EIF4G3: variants seen among roughly 807,000 people sequenced by gnomAD.
EIF4G3 encodes the protein eIF-4-gamma 3.
A neutral mutation model predicts 186.4 loss-of-function variants in EIF4G3; 34 were observed. The ratio of observed to expected loss-of-function variants is 0.18; its 90% CI spans 0.14 to 0.24. The LOEUF is 0.24. Ranked by LOEUF, EIF4G3 falls within the 10% of genes least tolerant of loss-of-function variation. The probability of loss-of-function intolerance (pLI) is 1.00; values close to 1 mark genes in which losing one functional copy is unlikely to be tolerated. For synonymous variants in EIF4G3, 673 were observed against 679.5 expected (o/e 0.99, Z 0.15); for missense variants, 1,536 against 1,948.5 (o/e 0.79, Z 3.99).
chr1:20,913,167 C>T (rs2093446011), intron 14 of EIF4G3, among the ~76,000 whole-genome samples: 1 of 152,132 alleles, frequency 6.6e-6, no homozygotes, highest in South Asian at 2.1e-4. Context: ...TCTGCTCTAT[C>T]ACTACTTCAC....
At chr1:21,052,726 G>A (rs932103794) in intron 3 of EIF4G3, among the ~76,000 whole-genome samples, 11 of 152,246 alleles carry the variant, frequency 7.2e-5, no homozygotes, top group South Asian at 4.1e-4. Context: ...GATTGCAGGC[G>A]CGCGCCGCCA....
At chr1:20,825,826 G>A (rs2063470490) in intron 32 of EIF4G3, among the ~76,000 whole-genome samples, 2 of 152,210 alleles carry the variant, frequency 1.3e-5, no homozygotes, top group Admixed American at 6.5e-5. Context: ...GGAATGAGAA[G>A]TGTTTCAAGG....
At chr1:21,111,502 G>A (rs1021902476) in intron 2 of EIF4G3, 1 of 375,086 alleles carries the variant, frequency 2.7e-6, no homozygotes, top group African/African-American at 2.1e-5. Context: ...GGACTATCCA[G>A]GTGACACAGC....
rs1191897117 is a variant in EIF4G3 at position 20,814,918 on chromosome 1, G to A, written c.4516-1679C>T. Among the ~76,000 whole-genome samples the A allele has an allele frequency of 3.0e-3, 338 of 111,546 alleles. 1 individual carries two copies. Among genetic ancestry groups the A allele is most frequent in the Non-Finnish European group, 4.6e-3 (248 of 53,628 alleles). 73.2% of individuals were successfully genotyped at this position (111,546 alleles called of 152,430 possible). On this transcript the variant is annotated intron_variant, in intron 34 of 36. Coordinates refer to ENST00000602326, the MANE Select transcript of EIF4G3 (RefSeq NM_001391906.1). ...CTGCCTCAGCCTGCCGAGTGCCTGC[G>A]ATTGCAGGCGCGCGCTGCCACGCCT...
At chr1:20,995,079 G>A (rs139083727) in intron 7 of EIF4G3, among the ~76,000 whole-genome samples, 19 of 152,228 alleles carry the variant, frequency 1.2e-4, no homozygotes, top group Non-Finnish European at 2.5e-4. Context: ...TTCTCACAGA[G>A]ATTTCTGAAC....
At chr1:20,868,316 G>A (rs79663931) in intron 20 of EIF4G3, among the ~76,000 whole-genome samples, 1,999 of 152,034 alleles carry the variant, frequency 0.013, 20 homozygotes, top group East Asian at 0.022. Context: ...TGAAAGCTGC[G>A]AAGTCCAAAA....
chr1:20,979,631 T>C (rs987137942), intron 10 of EIF4G3, among the ~76,000 whole-genome samples: 2 of 152,196 alleles, frequency 1.3e-5, no homozygotes, highest in East Asian at 1.9e-4. Context: ...TGGTGGAAGA[T>C]GTCAGAACTC....
chr1:20,882,176 TACACACAC>T (rs138208807), intron 19 of EIF4G3, among the ~76,000 whole-genome samples: 1,792 of 87,010 alleles, frequency 0.021, 18 homozygotes, highest in African/African-American at 0.033. Flanking sequence ...AAAGAAAAAT[TACACACAC>T]ACACACACAC....
intron 3 of EIF4G3, among the ~76,000 whole-genome samples, chr1:21,080,318 C>CAA (rs551685633): frequency 3.7e-4 from 50 of 136,084 alleles, no homozygotes; most frequent in Admixed American, 9.6e-4. Flanking sequence ...ACTGTCTCAA[C>CAA]AAAAAAAAAA....
chr1:21,069,358 C>T (rs955065304), intron 3 of EIF4G3, among the ~76,000 whole-genome samples: 1 of 152,150 alleles, frequency 6.6e-6, no homozygotes, highest in African/African-American at 2.4e-5. Context: ...TTCTCATTTA[C>T]ATAATCATTA....
intron 4 of EIF4G3, among the ~76,000 whole-genome samples, chr1:21,024,187 C>T (rs2091583672): frequency 6.6e-6 from 1 of 151,432 alleles, no homozygotes; most frequent in Admixed American, 6.6e-5. Flanking sequence ...CAGCCCCCCG[C>T]CCGGCCAGCC....
chr1:20,965,690 A>ATACCCCTTTCCCTTTCAT (rs2074494320), intron 12 of EIF4G3, among the ~76,000 whole-genome samples: 2 of 68,964 alleles, frequency 2.9e-5, no homozygotes, highest in Admixed American at 1.4e-4. Context: ...ATTAGATCAA[A>ATACCCCTTTCCCTTTCAT]TGGTGTCTCT....
At chr1:20,807,563 A>G in intron 36 of EIF4G3, 63 bp from the exon 37 acceptor site, 2 of 1,348,420 alleles carry the variant, frequency 1.5e-6, no homozygotes, top group South Asian at 3.7e-5. Context: ...AAAAGAATAT[A>G]TTTCAAAATA....
intron 24 of EIF4G3, among the ~76,000 whole-genome samples, chr1:20,857,739 G>A (rs1372912620): frequency 6.6e-6 from 1 of 152,194 alleles, no homozygotes; most frequent in Non-Finnish European, 1.5e-5. Context: ...TACTGACCTA[G>A]AAACAAACAA....
Position 20,892,824 on chromosome 1 carries a change from C to T in EIF4G3, c.2253+693G>A, listed in dbSNP as rs535612734. On this transcript the variant is annotated intron_variant, in intron 18 of 36. Coordinates refer to ENST00000602326, the MANE Select transcript of EIF4G3 (RefSeq NM_001391906.1). ...CCTCAAAACAAAACAGGAATCTTATCAAGGTTGGCTCGCTCTGTATATATA... is the reference window on the plus strand; with the variant it reads ...CCTCAAAACAAAACAGGAATCTTATTAAGGTTGGCTCGCTCTGTATATATA... The T allele has an allele frequency of 9.4e-6, 8 of 850,364 alleles. No individual in the cohort carries two copies. The South Asian group carries it at 1.0e-4, about 11-fold the overall frequency. The allele number at this position is 850,364 out of a possible 1,614,324, so 52.7% of individuals were successfully genotyped here. A position where few individuals can be genotyped will look rare whatever the true frequency, so the allele number is the denominator to read the frequency against.
At chr1:20,978,743 G>A (rs1279400314) in intron 10 of EIF4G3, among the ~76,000 whole-genome samples, 1 of 151,790 alleles carries the variant, frequency 6.6e-6, no homozygotes, top group Non-Finnish European at 1.5e-5. Context: ...ATGCCCACTG[G>A]GGGTCTTGGA....
intron 4 of EIF4G3, among the ~76,000 whole-genome samples, chr1:21,015,376 T>C (rs928122904): frequency 6.6e-6 from 1 of 151,716 alleles, no homozygotes; most frequent in Non-Finnish European, 1.5e-5. Context: ...GGGGGAAAAC[T>C]TCCCACATTT....
In EIF4G3 at chr1:21,027,193, A is replaced by ATT. The variant is rs34372978; in HGVS notation, c.-67+23671_-67+23672dup. On this transcript the variant is annotated intron_variant, in intron 4 of 36. Coordinates refer to ENST00000602326, the MANE Select transcript of EIF4G3 (RefSeq NM_001391906.1). ...ATATATGTGTACATACACACATACA[A>ATT]TTTTTTTTTTTTTTTTTGAGACAGA... 6.6e-3 allele frequency among the ~76,000 whole-genome samples: 879 copies of ATT among 132,260 alleles called. 19 individuals carry two copies. The highest frequency in any genetic ancestry group is 0.023 in the East Asian group (100 of 4,352). 86.8% of individuals were successfully genotyped at this position (132,260 alleles called of 152,430 possible). A position where few individuals can be genotyped will look rare whatever the true frequency, so the allele number is the denominator to read the frequency against.
At chr1:20,862,199 G>T (rs776055437) in intron 23 of EIF4G3, 29 bp downstream of exon 23, 1 of 1,328,890 alleles carries the variant, frequency 7.5e-7, no homozygotes, top group South Asian at 1.3e-5. Context: ...TGGACCAGCA[G>T]GCTTATTATT....
Sources: allele counts gnomAD v4.1 joint callset (sites outside exome capture counted in the v4.1 genomes callset), GRCh38; gene constraint gnomAD v4.1.1; transcripts MANE v1.5; gene names NCBI Gene and HGNC (gene_info 2026-07-23, HGNC 2026-07-21).